IL1RAPL1: variants seen among roughly 807,000 people sequenced by gnomAD.
The protein encoded by IL1RAPL1 is interleukin-1 receptor accessory protein-like 1.
IL1RAPL1 carries 3 observed loss-of-function variants against 48.4 expected under a neutral mutation model. The observed-to-expected ratio is 0.06, with a 90% CI of 0.03 to 0.16. The LOEUF (loss-of-function observed/expected upper bound fraction) is 0.16, where lower values mean the gene tolerates loss of function less well. Ranked by LOEUF, IL1RAPL1 falls within the 10% of genes least tolerant of loss-of-function variation. IL1RAPL1 has a pLI of 1.00. For missense variants in IL1RAPL1, 349 were observed against 530.6 expected (o/e 0.66, Z 3.36); for synonymous variants, 185 against 187.7 (o/e 0.99, Z 0.12).
At chrX:28,602,115 A>AG (rs1236407633) in intron 1 of IL1RAPL1, among the ~76,000 whole-genome samples, 16 of 109,865 alleles carry the variant, frequency 1.5e-4, no homozygotes, top group African/African-American at 5.0e-4. Context: ...AAAAAAAAAA[A>AG]AAAAAAAGAA....
intron 2 of IL1RAPL1, among the ~76,000 whole-genome samples, chrX:29,165,353 AAAATT>A (rs1402767814): frequency 3.6e-5 from 4 of 112,064 alleles, no homozygotes; most frequent in African/African-American, 1.3e-4. Flanking sequence ...TGAAAAAAAT[AAAATT>A]AAACTAACAG....
chrX:29,592,178 A>AAT (rs200292919), intron 5 of IL1RAPL1, among the ~76,000 whole-genome samples: 17 of 110,818 alleles, frequency 1.5e-4, no homozygotes, highest in Non-Finnish European at 2.7e-4. Flanking sequence ...ATTTACATAG[A>AAT]ATATATATAT....
intron 6 of IL1RAPL1, among the ~76,000 whole-genome samples, chrX:29,735,394 C>G (rs1928017928): frequency 9.0e-6 from 1 of 111,640 alleles, no homozygotes; most frequent in Admixed American, 9.5e-5. Flanking sequence ...AATCTCAATT[C>G]CATCTGCTAT....
At chrX:28,942,791 A>T (rs1364687845) in intron 2 of IL1RAPL1, among the ~76,000 whole-genome samples, 1 of 110,608 alleles carries the variant, frequency 9.0e-6, no homozygotes, top group South Asian at 3.7e-4. Flanking sequence ...AGCTGAAAGA[A>T]GTACAGGTTT....
chrX:29,429,368 A>G (rs1421113630), intron 5 of IL1RAPL1, among the ~76,000 whole-genome samples: 1 of 112,433 alleles, frequency 8.9e-6, no homozygotes, highest in African/African-American at 3.2e-5. Flanking sequence ...ACAATTGGCA[A>G]CACAATTTAG....
chrX:29,405,525 C>T lies in IL1RAPL1; in HGVS notation c.703+6217C>T, dbSNP rs766350346. Among the ~76,000 whole-genome samples, 95 of 99,306 alleles carry T rather than the reference C, an allele frequency of 9.6e-4. 16 individuals carry two copies. Among genetic ancestry groups the T allele is most frequent in the African/African-American group, 4.2e-3 (90 of 21,272 alleles). 86.2% of individuals were successfully genotyped at this position (99,306 alleles called of 115,157 possible). ...GGGACTACAGGTGCCCGCCACTAGG[C>T]CCAGCTAATTTTTTGTATTTTTAGT... On this transcript the variant is annotated intron_variant, in intron 5 of 10. Coordinates refer to ENST00000378993, the MANE Select transcript of IL1RAPL1 (RefSeq NM_014271.4).
intron 6 of IL1RAPL1, among the ~76,000 whole-genome samples, chrX:29,751,327 C>T (rs760993954): frequency 1.6e-4 from 18 of 111,402 alleles, no homozygotes; most frequent in Non-Finnish European, 3.0e-4. Context: ...TTATCATGTA[C>T]TAACCAAAAT....
chrX:29,732,257 A>T (rs1332960655), intron 6 of IL1RAPL1, among the ~76,000 whole-genome samples: 4 of 111,746 alleles, frequency 3.6e-5, no homozygotes, highest in Non-Finnish European at 7.5e-5. Flanking sequence ...GGATTTTGTT[A>T]ATTCTCATTA....
chrX:29,286,485 C>T (rs1342142303), intron 3 of IL1RAPL1, among the ~76,000 whole-genome samples: 1 of 110,709 alleles, frequency 9.0e-6, no homozygotes, highest in Non-Finnish European at 1.9e-5. Flanking sequence ...AGTCCAAGAC[C>T]AGCCTGCGTA....
At chrX:28,703,926 C>A (rs1449734445) in intron 1 of IL1RAPL1, among the ~76,000 whole-genome samples, 1 of 111,872 alleles carries the variant, frequency 8.9e-6, no homozygotes, top group Non-Finnish European at 1.9e-5. Context: ...GCTCTCTTTT[C>A]TGTTCATTTG....
At chrX:29,486,184 T>C (rs1935093053) in intron 5 of IL1RAPL1, among the ~76,000 whole-genome samples, 1 of 110,924 alleles carries the variant, frequency 9.0e-6, no homozygotes, top group East Asian at 2.9e-4. Flanking sequence ...GAGAATGCCC[T>C]GGAAAGCTTG....
Position 28,587,859 on chromosome X carries a change from G to A in IL1RAPL1, c.-213G>A, listed in dbSNP as rs1211102906. 1 of 110,078 alleles carries A rather than the reference G, an allele frequency of 9.1e-6. No individual in the cohort carries two copies. Among genetic ancestry groups the A allele is most frequent in the East Asian group, 2.9e-4 (1 of 3,502 alleles). 9.1% of individuals were successfully genotyped at this position (110,078 alleles called of 1,213,427 possible). Reference sequence around the variant, plus strand: ...CAGTCTTGTAGGGAAGATCTGTATGGAATTATCTGCTTTTATGGTGAACTT... The same window carrying A: ...CAGTCTTGTAGGGAAGATCTGTATGAAATTATCTGCTTTTATGGTGAACTT... On this transcript the variant is annotated 5_prime_UTR_variant, in exon 1 of 11. Transcript: ENST00000378993.
At position 29,046,526 on chromosome X, in the gene IL1RAPL1, T is replaced by C. The variant is rs764807449; in HGVS notation, c.83-236412T>C. On this transcript the variant is annotated intron_variant, in intron 2 of 10. Transcript: ENST00000378993. Reference sequence around the variant, plus strand: ...TAATCCAATGAATCACTCTATTTTCTAGGTGTCAAAACCAAGTCTTAAATA... The same window carrying C: ...TAATCCAATGAATCACTCTATTTTCCAGGTGTCAAAACCAAGTCTTAAATA... Among the ~76,000 whole-genome samples, 304 of 112,117 alleles carry C rather than the reference T, an allele frequency of 2.7e-3. 1 individual carries two copies. The highest frequency in any genetic ancestry group is 9.2e-3 in the Middle Eastern group (2 of 217).
At chrX:29,185,085 C>G (rs759895427) in intron 2 of IL1RAPL1, among the ~76,000 whole-genome samples, 1 of 112,128 alleles carries the variant, frequency 8.9e-6, no homozygotes, top group East Asian at 2.8e-4. Flanking sequence ...CCATCTTTAT[C>G]ACTTTCAGTA....
intron 1 of IL1RAPL1, among the ~76,000 whole-genome samples, chrX:28,646,135 CT>C (rs1367630779): frequency 8.9e-6 from 1 of 112,036 alleles, no homozygotes; most frequent in Non-Finnish European, 1.9e-5. Flanking sequence ...TGGACGGGGT[CT>C]GGGGGGTGAT....
At chrX:29,675,849 A>T (rs747870545) in intron 6 of IL1RAPL1, among the ~76,000 whole-genome samples, 1 of 112,515 alleles carries the variant, frequency 8.9e-6, no homozygotes, top group Non-Finnish European at 1.9e-5. Flanking sequence ...TTGGCCTCCC[A>T]AAGTGCTGGG....
intron 6 of IL1RAPL1, among the ~76,000 whole-genome samples, chrX:29,721,650 A>C: frequency 8.9e-6 from 1 of 111,796 alleles, no homozygotes; most frequent in East Asian, 2.8e-4. Context: ...TTAATCTATA[A>C]TTTATGTCAA....
intron 1 of IL1RAPL1, among the ~76,000 whole-genome samples, chrX:28,595,884 A>C (rs1806604548): frequency 9.0e-6 from 1 of 111,520 alleles, no homozygotes. Context: ...CCAGCTCCAC[A>C]GTGTGCAGAG....
intron 6 of IL1RAPL1, among the ~76,000 whole-genome samples, chrX:29,706,044 C>T (rs1416942863): frequency 1.8e-5 from 2 of 111,821 alleles, no homozygotes; most frequent in East Asian, 2.8e-4. Flanking sequence ...TCACATCTTA[C>T]GTGGATGGCA....
Sources: allele counts gnomAD v4.1 joint callset (sites outside exome capture counted in the v4.1 genomes callset), GRCh38; gene constraint gnomAD v4.1.1; transcripts MANE v1.5; gene names NCBI Gene and HGNC (gene_info 2026-07-23, HGNC 2026-07-21).